GDAP2: variants seen among roughly 807,000 people sequenced by gnomAD.
GDAP2 encodes ganglioside induced differentiation associated protein 2.
GDAP2 carries 51 observed loss-of-function variants against 67.0 expected under a neutral mutation model. The ratio of observed to expected loss-of-function variants is 0.76; its 90% CI spans 0.61 to 0.96. The LOEUF is 0.96. Among genes scored for constraint, GDAP2 ranks in the 40% least tolerant of loss-of-function variants. GDAP2 has a pLI of 0.00. For missense variants in GDAP2, 547 were observed against 588.3 expected, an observed-to-expected ratio of 0.93 and a Z score of 0.73; for synonymous variants, 203 against 207.3, an observed-to-expected ratio of 0.98 and a Z score of 0.18.
intron 7 of GDAP2, among the ~76,000 whole-genome samples, chr1:117,897,546 C>T (rs536090917): frequency 1.3e-5 from 2 of 152,106 alleles, no homozygotes; most frequent in African/African-American, 2.4e-5. Flanking sequence ...TTATTTTGGT[C>T]CATAAGAGTT....
chr1:117,893,442 G>A (rs374092342), intron 8 of GDAP2, among the ~76,000 whole-genome samples: 6 of 152,122 alleles, frequency 3.9e-5, no homozygotes, highest in Non-Finnish European at 7.4e-5. Flanking sequence ...GCAGTGCTAC[G>A]AAAGGAGTGA....
In GDAP2 at chr1:117,900,394, C is replaced by T. The variant is rs75580531; in HGVS notation, c.637-1178G>A. Reference sequence around the variant, plus strand: ...TCTAAAACCCATCAGAAATCATTCACCATTCCTCCCTCTCCCACACCTGGC... The same window carrying T: ...TCTAAAACCCATCAGAAATCATTCATCATTCCTCCCTCTCCCACACCTGGC... On this transcript the variant is annotated intron_variant, in intron 6 of 13. Transcript: ENST00000369443. Among the ~76,000 whole-genome samples the T allele has an allele frequency of 6.8e-3, 1,035 of 152,278 alleles. 9 individuals carry two copies. The highest frequency in any genetic ancestry group is 0.023 in the African/African-American group (970 of 41,532).
Position 117,870,511 on chromosome 1 carries a change from T to C in GDAP2, c.*58A>G. On this transcript the variant is annotated 3_prime_UTR_variant, in exon 14 of 14. Coordinates refer to ENST00000369443, the MANE Select transcript of GDAP2 (RefSeq NM_017686.4). ...CAACAATGAATATCACTTCAACAGG[T>C]AGCTATTCGTGGAGGAAGTGGCATC... 4.0e-6 allele frequency: 4 copies of C among 997,038 alleles called. No individual in the cohort carries two copies. The highest frequency in any genetic ancestry group is 4.9e-6 in the Non-Finnish European group (3 of 616,578). The allele number at this position is 997,038 out of a possible 1,614,324, so 61.8% of individuals were successfully genotyped here. A position where few individuals can be genotyped will look rare whatever the true frequency, so the allele number is the denominator to read the frequency against.
intron 1 of GDAP2, 100 bp from the exon 2 acceptor site, chr1:117,920,524 AG>A (rs1246785977): frequency 2.0e-6 from 1 of 494,508 alleles, no homozygotes; most frequent in Non-Finnish European, 3.6e-6. Context: ...ATATCCCAAT[AG>A]TATATTGTGT....
intron 13 of GDAP2, among the ~76,000 whole-genome samples, chr1:117,873,389 T>C (rs940373416): frequency 1.3e-5 from 2 of 151,934 alleles, no homozygotes; most frequent in African/African-American, 2.4e-5. Flanking sequence ...CCCAGAAAAA[T>C]AGAAGCCCAC....
chr1:117,912,685 T>C lies in GDAP2; in HGVS notation c.317-2A>G, dbSNP rs772961518. On this transcript the variant is annotated splice_acceptor_variant, in intron 3 of 13. Coordinates refer to ENST00000369443, the MANE Select transcript of GDAP2 (RefSeq NM_017686.4). LOFTEE classifies it high-confidence loss of function. ...ATTTTGCTTCACCTGTTCGGCACCC[T>C]GAAAACAATGGAAACACACATAAGT... 6.2e-7 allele frequency: 1 copy of C among 1,611,528 alleles called. No individual in the cohort carries two copies. Among genetic ancestry groups the C allele is most frequent in the Non-Finnish European group, 8.5e-7 (1 of 1,178,156 alleles).
rs987095297 is a variant in GDAP2, at chr1:117,923,742, C to A, written c.-67-3318G>T. ...GTAGCTCCATGTGATCTGTCATGAT[C>A]TCAACCCCTTCCTGTCCCCCAAAGT... On this transcript the variant is annotated intron_variant, in intron 1 of 13. Coordinates refer to ENST00000369443, the MANE Select transcript of GDAP2 (RefSeq NM_017686.4). Among the ~76,000 whole-genome samples, 4 of 152,250 alleles carry A rather than the reference C, an allele frequency of 2.6e-5. No homozygotes were observed. In the South Asian group the frequency reaches 6.2e-4, roughly 24 times the overall value.
intron 1 of GDAP2, among the ~76,000 whole-genome samples, chr1:117,929,006 T>G (rs917859627): frequency 6.6e-6 from 1 of 151,954 alleles, no homozygotes; most frequent in African/African-American, 2.4e-5. Context: ...ACTCCAGGGA[T>G]TGCGGGAACC....
intron 4 of GDAP2, 86 bp downstream of exon 4, chr1:117,912,444 C>T: frequency 8.2e-7 from 1 of 1,212,436 alleles, no homozygotes; most frequent in Non-Finnish European, 1.1e-6. Flanking sequence ...GGTTTTTAAT[C>T]TTTAAAAACT....
At position 117,864,673 on chromosome 1, in the gene GDAP2, A is replaced by G. The variant is rs868367538; in HGVS notation, c.*5896T>C. The G allele has an allele frequency of 6.6e-6, 1 of 152,154 alleles. No individual in the cohort carries two copies. The highest frequency in any genetic ancestry group is 1.5e-5 in the Non-Finnish European group (1 of 68,022). The allele number at this position is 152,154 out of a possible 1,614,324, so 9.4% of individuals were successfully genotyped here. Reference sequence around the variant, plus strand: ...AGCATTTATACCTAGTTTTATGTTTATATATATTTAGATAACATTATAATA... The same window carrying G: ...AGCATTTATACCTAGTTTTATGTTTGTATATATTTAGATAACATTATAATA... On this transcript the variant is annotated 3_prime_UTR_variant, in exon 14 of 14. Transcript: ENST00000369443.
chr1:117,916,228 G>T (rs765480193), intron 3 of GDAP2, among the ~76,000 whole-genome samples: 8 of 152,318 alleles, frequency 5.3e-5, no homozygotes, highest in Non-Finnish European at 1.2e-4. Flanking sequence ...GTGCTTTCAG[G>T]AAGAGATACA....
At chr1:117,903,473 T>C (rs1430185129) in intron 6 of GDAP2, among the ~76,000 whole-genome samples, 1 of 152,226 alleles carries the variant, frequency 6.6e-6, no homozygotes, top group Non-Finnish European at 1.5e-5. Flanking sequence ...TGACTGTTTT[T>C]ATCAAGAAAG....
chr1:117,877,332 T>C lies in GDAP2; in HGVS notation c.1446+677A>G. On this transcript the variant is annotated intron_variant, in intron 13 of 13. Transcript: ENST00000369443. ...CAAATCTATCCCCTGGTTCATACAA[T>C]ATAAAGATAAGCAATCAGCAACAGT... The C allele has an allele frequency of 3.1e-6, 3 of 974,508 alleles. No individual in the cohort carries two copies. In the East Asian group the frequency reaches 3.4e-4, roughly 111 times the overall value. 60.4% of individuals were successfully genotyped at this position (974,508 alleles called of 1,614,324 possible). A position where few individuals can be genotyped will look rare whatever the true frequency, so the allele number is the denominator to read the frequency against.
chr1:117,897,590 C>T (rs1201116696), intron 7 of GDAP2, among the ~76,000 whole-genome samples: 1 of 152,212 alleles, frequency 6.6e-6, no homozygotes, highest in Non-Finnish European at 1.5e-5. Flanking sequence ...AATTAACTTT[C>T]TAATCTGTCC....
At chr1:117,902,194 CTT>C (rs1245415370) in intron 6 of GDAP2, among the ~76,000 whole-genome samples, 1 of 152,198 alleles carries the variant, frequency 6.6e-6, no homozygotes, top group Non-Finnish European at 1.5e-5. Context: ...CCATAGACCT[CTT>C]TGTCTCATCA....
At chr1:117,925,911 G>A (rs909897169) in intron 1 of GDAP2, among the ~76,000 whole-genome samples, 2 of 152,096 alleles carry the variant, frequency 1.3e-5, no homozygotes, top group African/African-American at 4.8e-5. Flanking sequence ...TATTCCACAC[G>A]TTTAAGCCCA....
At chr1:117,914,249 G>A (rs1649967434) in intron 3 of GDAP2, among the ~76,000 whole-genome samples, 1 of 151,570 alleles carries the variant, frequency 6.6e-6, no homozygotes, top group Admixed American at 6.6e-5. Flanking sequence ...CAACACAGGG[G>A]AAAAAAAACT....
chr1:117,880,752 C>A (rs1446389157), intron 12 of GDAP2, among the ~76,000 whole-genome samples: 1 of 152,164 alleles, frequency 6.6e-6, no homozygotes, highest in Non-Finnish European at 1.5e-5. Flanking sequence ...AGCATCAATT[C>A]CCTTACCTGT....
intron 12 of GDAP2, 69 bp downstream of exon 12, chr1:117,881,754 A>G: frequency 2.4e-6 from 2 of 824,070 alleles, no homozygotes; most frequent in African/African-American, 3.4e-5. Flanking sequence ...TTGCTGAGCT[A>G]TTATCTTAAT....
Sources: gnomAD v4.1 joint callset for allele counts (sites outside exome capture counted in the v4.1 genomes callset) on GRCh38, gnomAD v4.1.1 for gene constraint, MANE v1.5 for transcripts, NCBI Gene and HGNC (gene_info 2026-07-23, HGNC 2026-07-21) for gene names.